PCNX2: variants seen among roughly 807,000 people sequenced by gnomAD.
PCNX2 encodes pecanex-like protein 2.
In PCNX2, 168 loss-of-function variants were observed where a neutral mutation model predicts 223.8. That is an observed-to-expected ratio of 0.75 (90% CI 0.66 to 0.85). The LOEUF (loss-of-function observed/expected upper bound fraction) is 0.85, where lower values mean the gene tolerates loss of function less well. Ranked by LOEUF, PCNX2 falls within the 40% of genes least tolerant of loss-of-function variation. The probability of loss-of-function intolerance (pLI) is 0.00; values close to 1 mark genes in which losing one functional copy is unlikely to be tolerated. For missense variants in PCNX2, 2,507 were observed against 2,675.5 expected, an observed-to-expected ratio of 0.94 and a Z score of 1.39; for synonymous variants, 1,006 against 1,052.6, an observed-to-expected ratio of 0.96 and a Z score of 0.86.
intron 27 of PCNX2, among the ~76,000 whole-genome samples, chr1:233,016,562 A>C: frequency 6.6e-6 from 1 of 152,344 alleles, no homozygotes; most frequent in African/African-American, 2.4e-5. Flanking sequence ...CCATGATTCA[A>C]TATGTTCAGT....
chr1:233,320,701 G>A, the PCNX2 span, among the ~76,000 whole-genome samples: 1 of 152,086 alleles, frequency 6.6e-6, no homozygotes, highest in African/African-American at 2.4e-5. Context: ...GGATCTTTTT[G>A]CATACTTTGG....
chr1:233,162,992 C>T (rs1270626049), intron 17 of PCNX2, among the ~76,000 whole-genome samples: 1 of 152,128 alleles, frequency 6.6e-6, no homozygotes, highest in African/African-American at 2.4e-5. Flanking sequence ...TTATTATTAA[C>T]CTTTTTTTCA....
intron 21 of PCNX2, among the ~76,000 whole-genome samples, chr1:233,130,465 T>TTG (rs55865610): frequency 0.35 from 47,910 of 136,076 alleles, 8,262 homozygotes; most frequent in Middle Eastern, 0.38. Context: ...CCCCCAACTT[T>TTG]TGTGTGTGTG....
the PCNX2 span, among the ~76,000 whole-genome samples, chr1:233,323,756 T>G: frequency 5.9e-5 from 9 of 152,186 alleles, no homozygotes; most frequent in African/African-American, 1.7e-4. Flanking sequence ...GCCTCCCTAT[T>G]CTGAGACAGG....
chr1:233,226,851 T>C (rs931923884), intron 10 of PCNX2, among the ~76,000 whole-genome samples: 2 of 152,190 alleles, frequency 1.3e-5, no homozygotes, highest in African/African-American at 4.8e-5. Flanking sequence ...GTGCTACAGA[T>C]GGGCCTCAAG....
At chr1:233,160,588 T>C (rs1468848653) in intron 18 of PCNX2, 155 bp from the exon 19 acceptor site, 1 of 431,086 alleles carries the variant, frequency 2.3e-6, no homozygotes, top group Non-Finnish European at 3.1e-6. Flanking sequence ...ATGTCTTCTC[T>C]ATACCATGAA....
chr1:233,013,744 T>A (rs1330762611), intron 28 of PCNX2, among the ~76,000 whole-genome samples: 2 of 152,204 alleles, frequency 1.3e-5, no homozygotes, highest in Non-Finnish European at 2.9e-5. Flanking sequence ...TAGGTTTGTG[T>A]TCTCAACCTT....
Position 233,115,635 on chromosome 1 carries a change from GCCAGCAAGC to G in PCNX2, c.3837+19369_3837+19377del, listed in dbSNP as rs1675365064. 6.6e-5 allele frequency among the ~76,000 whole-genome samples: 10 copies of G among 152,228 alleles called. No individual in the cohort carries two copies. The South Asian group carries it at 2.1e-3, about 32-fold the overall frequency. ...AAAATGTAGTTTAGAGAACTAAAGG[GCCAGCAAGC>G]CTCAGAATCAGAGTCATATATAACA... is the stretch of plus-strand genomic sequence containing the variant. On this transcript the variant is annotated intron_variant, in intron 21 of 33. Transcript: ENST00000258229.
At chr1:233,211,249 G>T (rs952238431) in intron 12 of PCNX2, among the ~76,000 whole-genome samples, 2 of 152,036 alleles carry the variant, frequency 1.3e-5, no homozygotes, top group Admixed American at 6.5e-5. Flanking sequence ...GCATGTGCCA[G>T]CTCCAGGCTT....
At chr1:233,176,830 G>A (rs894038721) in intron 17 of PCNX2, among the ~76,000 whole-genome samples, 5 of 152,106 alleles carry the variant, frequency 3.3e-5, no homozygotes, top group Admixed American at 6.5e-5. Flanking sequence ...TGGTTAACAC[G>A]GTGAAACCCC....
rs768375165 is a variant in PCNX2, at chr1:233,160,358, G to A, written c.3442C>T (p.Arg1148Cys). 26 of 1,613,144 alleles carry A rather than the reference G, an allele frequency of 1.6e-5. No homozygotes were observed. Among genetic ancestry groups the A allele is most frequent in the South Asian group, 5.5e-5 (5 of 91,080 alleles). Reference sequence around the variant, plus strand: ...ATCCACATCCAGGGATGATGCTTGCGGAGCTGAGGGAGCACGTAATGTGTT... The same window carrying A: ...ATCCACATCCAGGGATGATGCTTGCAGAGCTGAGGGAGCACGTAATGTGTT... ...FVTHYVLPQL[R>C]KHHPWMWISH... Residue 1148 changes from arginine to cysteine, a missense_variant, in exon 19 of 34, where the codon CGC becomes TGC. This residue lies in a region of PCNX2 where 1,372 missense variants were observed against 1,509.4 expected (regional missense o/e 0.91). Coordinates refer to ENST00000258229, the MANE Select transcript of PCNX2 (RefSeq NM_014801.4).
chr1:233,174,194 TTTATA>T (rs1243752100), intron 17 of PCNX2, among the ~76,000 whole-genome samples: 7 of 114,186 alleles, frequency 6.1e-5, no homozygotes, highest in African/African-American at 2.1e-4. Context: ...ATGTATTTAA[TTTATA>T]TTATATATTA....
chr1:233,080,835 C>A (rs1179167525), intron 23 of PCNX2, among the ~76,000 whole-genome samples: 3 of 152,188 alleles, frequency 2.0e-5, no homozygotes, highest in Non-Finnish European at 4.4e-5. Flanking sequence ...GAATCTCATG[C>A]ATTTTCATAT....
chr1:233,153,714 A>G (rs1253877468), intron 19 of PCNX2, among the ~76,000 whole-genome samples: 1 of 152,212 alleles, frequency 6.6e-6, no homozygotes, highest in Non-Finnish European at 1.5e-5. Context: ...GAAGAATACC[A>G]GAAGAGATAC....
chr1:233,011,712 G>T (rs1269565894), intron 28 of PCNX2, among the ~76,000 whole-genome samples: 1 of 152,134 alleles, frequency 6.6e-6, no homozygotes, highest in Non-Finnish European at 1.5e-5. Flanking sequence ...AGGTGAAGAA[G>T]AATTCATCCA....
chr1:233,188,207 A>C (rs1351071540), intron 15 of PCNX2, among the ~76,000 whole-genome samples: 3 of 151,798 alleles, frequency 2.0e-5, no homozygotes, highest in African/African-American at 7.3e-5. Flanking sequence ...CTTATCTCAC[A>C]CTCGGGGTCC....
intron 19 of PCNX2, among the ~76,000 whole-genome samples, chr1:233,160,031 C>T (rs1021934174): frequency 6.6e-6 from 1 of 152,184 alleles, no homozygotes; most frequent in African/African-American, 2.4e-5. Flanking sequence ...AAACATTCTT[C>T]TGATTCACCT....
chr1:233,158,772 C>T (rs1441771446), intron 19 of PCNX2, among the ~76,000 whole-genome samples: 4 of 152,120 alleles, frequency 2.6e-5, no homozygotes, highest in Non-Finnish European at 5.9e-5. Context: ...TAACAAACCC[C>T]AAAACACTCC....
chr1:233,149,614 T>C (rs183239923), intron 19 of PCNX2, among the ~76,000 whole-genome samples: 2 of 152,310 alleles, frequency 1.3e-5, no homozygotes, highest in Non-Finnish European at 1.5e-5. Context: ...CTCATCTGTC[T>C]TCCTGGGTCA....
Sources: gnomAD v4.1 joint callset for allele counts (sites outside exome capture counted in the v4.1 genomes callset) on GRCh38, gnomAD v4.1.1 for gene constraint, gnomAD v4.1.1 regional missense constraint, MANE v1.5 for transcripts, NCBI Gene and HGNC (gene_info 2026-07-23, HGNC 2026-07-21) for gene names.